NUP43: variants seen among roughly 807,000 people sequenced by gnomAD.
NUP43 encodes the protein nucleoporin 43, also known as nucleoporin Nup43.
A neutral mutation model predicts 47.3 loss-of-function variants in NUP43; 32 were observed. The observed-to-expected ratio is 0.68, with a 90% CI of 0.51 to 0.91. NUP43 has a LOEUF of 0.91. NUP43 is among the 40% of genes least tolerant of loss of function. NUP43 has a pLI of 0.00. For synonymous variants in NUP43, 147 were observed against 158.4 expected (o/e 0.93, Z 0.54); for missense variants, 444 against 453.9 (o/e 0.98, Z 0.20).
chr6:149,745,148 C>A (rs1372917197), intron 2 of NUP43, among the ~76,000 whole-genome samples: 1 of 151,934 alleles, frequency 6.6e-6, no homozygotes, highest in African/African-American at 2.4e-5. Flanking sequence ...CTCCTGTAAT[C>A]CCAGCACTTT....
chr6:149,726,646 T>G lies in NUP43; in HGVS notation c.*323A>C. 1 of 333,642 alleles carries G rather than the reference T, an allele frequency of 3.0e-6. No homozygotes were observed. The highest frequency in any genetic ancestry group is 5.7e-6 in the Non-Finnish European group (1 of 174,688). 20.7% of individuals were successfully genotyped at this position (333,642 alleles called of 1,614,324 possible). ...CCCATAACCACCATTGATGTGTTAA[T>G]TCCCACAACATCAAAAATAAAGAAT... On this transcript the variant is annotated 3_prime_UTR_variant, in exon 8 of 8. Coordinates refer to ENST00000340413, the MANE Select transcript of NUP43 (RefSeq NM_198887.3).
intron 4 of NUP43, among the ~76,000 whole-genome samples, chr6:149,741,675 TTTG>T (rs1285657673): frequency 6.6e-6 from 1 of 151,162 alleles, no homozygotes. Flanking sequence ...CCAGCTTATT[TTTG>T]TTATTTTCAG....
rs763055292 is a variant in NUP43, at chr6:149,745,991, G to A, written c.192C>T (p.Asp64=). ...GTCTGATATCACACAATAACTGATG[G>A]TCTCCTTCAAACCCTCCATCAGAGT... is the stretch of plus-strand genomic sequence containing the variant. ...NLDSDGGFEG[D]HQLLCDIRHH... Residue 64 remains aspartate, a synonymous_variant, in exon 2 of 8, where the codon GAC becomes GAT. Transcript: ENST00000340413. 2 of 1,613,086 alleles carry A rather than the reference G, an allele frequency of 1.2e-6. No individual in the cohort carries two copies. The highest frequency in any genetic ancestry group is 1.7e-6 in the Non-Finnish European group (2 of 1,179,234).
chr6:149,735,141 C>T (rs1052244556), intron 6 of NUP43, among the ~76,000 whole-genome samples: 1 of 152,070 alleles, frequency 6.6e-6, no homozygotes, highest in Non-Finnish European at 1.5e-5. Flanking sequence ...TAATGCACTA[C>T]AGCCTTGAAT....
chr6:149,738,549 A>C (rs1199604811), intron 5 of NUP43, 94 bp downstream of exon 5: 2 of 948,266 alleles, frequency 2.1e-6, no homozygotes, highest in African/African-American at 1.7e-5. Flanking sequence ...TTAAAATGCA[A>C]TTAAAATTCA....
At chr6:149,734,601 C>G (rs1427512024) in intron 6 of NUP43, among the ~76,000 whole-genome samples, 1 of 151,830 alleles carries the variant, frequency 6.6e-6, no homozygotes, top group Non-Finnish European at 1.5e-5. Context: ...AGTTTGAGAC[C>G]AGCCTGGCCA....
rs540438126 is a variant in NUP43, at chr6:149,730,984, A to G, written c.913+629T>C. Among the ~76,000 whole-genome samples the G allele has an allele frequency of 2.6e-5, 4 of 152,194 alleles. No individual in the cohort carries two copies. The East Asian group carries it at 7.7e-4, about 29-fold the overall frequency. On this transcript the variant is annotated intron_variant, in intron 7 of 7. Coordinates refer to ENST00000340413, the MANE Select transcript of NUP43 (RefSeq NM_198887.3). ...AAAGTATGATAAAATTACACATAACAGGCTGGGCACAGTGGCTCATGCCTG... is the reference window on the plus strand; with the variant it reads ...AAAGTATGATAAAATTACACATAACGGGCTGGGCACAGTGGCTCATGCCTG...
Position 149,746,465 on chromosome 6 carries a change from G to A in NUP43, c.31C>T (p.Gln11Ter), listed in dbSNP as rs1043345119. 3.1e-6 allele frequency: 5 copies of A among 1,614,074 alleles called. No individual in the cohort carries two copies. The African/African-American group carries it at 6.7e-5, about 22-fold the overall frequency. MEEIYAKFVSQKISKTRWRPL... is the reference protein window; with the variant it reads MEEIYAKFVS ...CGCCAGCGGGTTTTGCTGATTTTCT[G>A]GGACACAAACTTCGCATAAATTTCC... The change falls in exon 1 of 8, where the codon CAG becomes TAG. Residue 11 changes from glutamine to a stop codon, truncating the protein, a stop_gained. Transcript: ENST00000340413. LOFTEE classifies it high-confidence loss of function.
chr6:149,740,346 A>G (rs1785585036), intron 4 of NUP43, among the ~76,000 whole-genome samples: 1 of 149,972 alleles, frequency 6.7e-6, no homozygotes, highest in African/African-American at 2.4e-5. Context: ...AAACAACACA[A>G]AAGGCCAGGT....
At chr6:149,732,477 G>A (rs1480599318) in intron 6 of NUP43, among the ~76,000 whole-genome samples, 6 of 151,634 alleles carry the variant, frequency 4.0e-5, no homozygotes, top group South Asian at 2.1e-4. Flanking sequence ...AACCCGGGAG[G>A]CAGAGGTTGC....
At chr6:149,731,943 A>G (rs1304970419) in intron 6 of NUP43, among the ~76,000 whole-genome samples, 3 of 152,172 alleles carry the variant, frequency 2.0e-5, no homozygotes, top group African/African-American at 7.2e-5. Context: ...GAAAAAGAAC[A>G]CTTTAGGAGG....
At chr6:149,736,848 C>T (rs1785388100) in intron 5 of NUP43, among the ~76,000 whole-genome samples, 1 of 152,126 alleles carries the variant, frequency 6.6e-6, no homozygotes, top group Admixed American at 6.5e-5. Context: ...ACCATCATGC[C>T]TGGTTAACTT....
chr6:149,729,633 A>G, intron 7 of NUP43: 1 of 587,460 alleles, frequency 1.7e-6, no homozygotes, highest in Non-Finnish European at 2.1e-6. Flanking sequence ...CACCCCTCCT[A>G]TTACCTTTTG....
chr6:149,745,756 TC>T (rs1192463168), intron 2 of NUP43, among the ~76,000 whole-genome samples, 183 bp downstream of exon 2: 1 of 152,218 alleles, frequency 6.6e-6, no homozygotes, highest in Non-Finnish European at 1.5e-5. Context: ...TAAATCTACA[TC>T]CCCTTTCCCA....
At chr6:149,729,591 G>A in intron 7 of NUP43, 2 of 934,572 alleles carry the variant, frequency 2.1e-6, no homozygotes, top group Non-Finnish European at 2.6e-6. Context: ...CTATTTCTGG[G>A]TTTTCCCTTT....
At chr6:149,734,599 A>G (rs1785224019) in intron 6 of NUP43, among the ~76,000 whole-genome samples, 2 of 151,760 alleles carry the variant, frequency 1.3e-5, no homozygotes, top group South Asian at 4.1e-4. Context: ...GGAGTTTGAG[A>G]CCAGCCTGGC....
intron 6 of NUP43, among the ~76,000 whole-genome samples, chr6:149,735,445 TAA>T (rs1785272917): frequency 6.6e-6 from 1 of 151,702 alleles, no homozygotes; most frequent in African/African-American, 2.4e-5. Context: ...AAAATTATCC[TAA>T]GAAAATAAGT....
intron 2 of NUP43, among the ~76,000 whole-genome samples, chr6:149,745,712 C>A (rs923826262): frequency 1.3e-5 from 2 of 152,170 alleles, no homozygotes; most frequent in African/African-American, 4.8e-5. Context: ...GTATTTAGCA[C>A]ATAGTCGACA....
At position 149,731,740 on chromosome 6, in the gene NUP43, GA is replaced by G; in HGVS notation, c.791-6del. On this transcript the variant is annotated splice_region_variant and splice_polypyrimidine_tract_variant and intron_variant, in intron 6 of 7. Coordinates refer to ENST00000340413, the MANE Select transcript of NUP43 (RefSeq NM_198887.3). ...GGTGAAAGTGAACTTCCCACACTAA[GA>G]GACAAGAATCAATAAGCTCATTCCT... is the stretch of plus-strand genomic sequence containing the variant. The G allele has an allele frequency of 6.2e-7, 1 of 1,613,350 alleles. No individual in the cohort carries two copies. The highest frequency in any genetic ancestry group is 8.5e-7 in the Non-Finnish European group (1 of 1,179,702).
Sources: allele counts gnomAD v4.1 joint callset (sites outside exome capture counted in the v4.1 genomes callset), GRCh38; gene constraint gnomAD v4.1.1; transcripts MANE v1.5; gene names NCBI Gene and HGNC (gene_info 2026-07-23, HGNC 2026-07-21).